The following ROBO1 variants were observed in gnomAD, a reference collection of about 807,000 sequenced individuals.
ROBO1 encodes the protein roundabout guidance receptor 1.
In ROBO1, 149 loss-of-function variants were observed where a neutral mutation model predicts 195.9. That is an observed-to-expected ratio of 0.76 (90% CI 0.67 to 0.87). The LOEUF is 0.87. Among genes scored for constraint, ROBO1 ranks in the 40% least tolerant of loss-of-function variants. The pLI is 0.00. For synonymous variants in ROBO1, 816 were observed against 733.2 expected, an observed-to-expected ratio of 1.11 and a Z score of -1.82; for missense variants, 1,933 against 2,068.3, an observed-to-expected ratio of 0.93 and a Z score of 1.27.
At chr3:79,619,512 A>G (rs555162083) in intron 1 of ROBO1, among the ~76,000 whole-genome samples, 3 of 152,184 alleles carry the variant, frequency 2.0e-5, no homozygotes, top group East Asian at 3.9e-4. Flanking sequence ...ATCCTACAAG[A>G]TCTAGATAAC....
At chr3:79,018,468 C>T in intron 3 of ROBO1, 1 of 1,613,790 alleles carries the variant, frequency 6.2e-7, no homozygotes, top group African/African-American at 1.3e-5. Flanking sequence ...TCATTGTCCT[C>T]GGGTGGATCC....
intron 4 of ROBO1, among the ~76,000 whole-genome samples, chr3:78,782,913 T>C (rs1559850935): frequency 6.6e-6 from 1 of 152,180 alleles, no homozygotes; most frequent in Admixed American, 6.6e-5. Flanking sequence ...TGGTTTAACG[T>C]ATGCCTGTTG....
chr3:79,460,985 T>A (rs1012300021), intron 2 of ROBO1, among the ~76,000 whole-genome samples: 1 of 152,090 alleles, frequency 6.6e-6, no homozygotes, highest in African/African-American at 2.4e-5. Context: ...TTAAAAAAAA[T>A]TAATTGCACA....
At chr3:79,664,421 A>G (rs997685786) in intron 1 of ROBO1, among the ~76,000 whole-genome samples, 3 of 152,030 alleles carry the variant, frequency 2.0e-5, no homozygotes, top group East Asian at 1.9e-4. Context: ...TTTTACCTCT[A>G]TGTAACATAC....
chr3:79,646,197 A>G (rs1945816834), intron 1 of ROBO1, among the ~76,000 whole-genome samples: 2 of 152,142 alleles, frequency 1.3e-5, no homozygotes, highest in South Asian at 4.1e-4. Flanking sequence ...AAAGGGCTTA[A>G]CCAACTCAGT....
At chr3:79,018,517 G>C (rs2078014111) in intron 3 of ROBO1, 1 of 1,608,626 alleles carries the variant, frequency 6.2e-7, no homozygotes, top group Admixed American at 1.7e-5. Flanking sequence ...AGTGGAAATA[G>C]GGTCCCCAAA....
At chr3:79,151,736 C>A (rs2080775275) in intron 2 of ROBO1, among the ~76,000 whole-genome samples, 1 of 151,792 alleles carries the variant, frequency 6.6e-6, no homozygotes, top group Non-Finnish European at 1.5e-5. Flanking sequence ...TTGATCACTA[C>A]ACTGAAGTGC....
intron 26 of ROBO1, among the ~76,000 whole-genome samples, chr3:78,621,897 A>T (rs1009695402): frequency 6.6e-6 from 1 of 152,226 alleles, no homozygotes; most frequent in Non-Finnish European, 1.5e-5. Flanking sequence ...AGAAAAATGC[A>T]CACCTTTGAG....
At chr3:79,414,635 C>A (rs921886273) in intron 2 of ROBO1, among the ~76,000 whole-genome samples, 1 of 152,046 alleles carries the variant, frequency 6.6e-6, no homozygotes, top group Non-Finnish European at 1.5e-5. Flanking sequence ...ATAAAAGCAA[C>A]ACTTTAGTCT....
At chr3:78,790,118 C>A (rs1045647524) in intron 4 of ROBO1, among the ~76,000 whole-genome samples, 4 of 152,114 alleles carry the variant, frequency 2.6e-5, no homozygotes, top group African/African-American at 9.7e-5. Context: ...TCTCTCAGGT[C>A]TCTCTCAGAT....
chr3:79,388,442 TCAG>T (rs1468281915), intron 2 of ROBO1, among the ~76,000 whole-genome samples: 4 of 152,062 alleles, frequency 2.6e-5, no homozygotes, highest in Non-Finnish European at 5.9e-5. Flanking sequence ...GAGAGGGGAA[TCAG>T]TCTGTTGGAA....
chr3:78,633,400 T>TA (rs1375346757), intron 24 of ROBO1, among the ~76,000 whole-genome samples: 1 of 152,124 alleles, frequency 6.6e-6, no homozygotes, highest in East Asian at 1.9e-4. Context: ...GGGAGGCACT[T>TA]ACAGACTGAG....
intron 10 of ROBO1, among the ~76,000 whole-genome samples, chr3:78,682,679 G>A (rs1012508842): frequency 1.5e-4 from 22 of 143,480 alleles, no homozygotes; most frequent in Non-Finnish European, 2.6e-4. Context: ...ATATATACAC[G>A]TATATATACA....
chr3:79,300,208 G>T (rs966856613), intron 2 of ROBO1, among the ~76,000 whole-genome samples: 1 of 152,210 alleles, frequency 6.6e-6, no homozygotes, highest in Non-Finnish European at 1.5e-5. Flanking sequence ...AGCTAGCAGG[G>T]AGGTGTGGGG....
intron 8 of ROBO1, among the ~76,000 whole-genome samples, chr3:78,697,702 G>T (rs373351537): frequency 1.3e-5 from 2 of 152,154 alleles, no homozygotes; most frequent in East Asian, 1.9e-4. Flanking sequence ...AAGGGACAGA[G>T]AAATTGAATC....
intron 4 of ROBO1, among the ~76,000 whole-genome samples, chr3:78,882,347 A>C (rs2107267377): frequency 6.6e-6 from 1 of 152,300 alleles, no homozygotes; most frequent in South Asian, 2.1e-4. Context: ...CTAAAACGAT[A>C]GAAGTTGGAT....
intron 3 of ROBO1, among the ~76,000 whole-genome samples, chr3:78,989,655 T>C (rs1353191968): frequency 3.9e-5 from 6 of 152,236 alleles, no homozygotes; most frequent in Admixed American, 2.0e-4. Flanking sequence ...TAACTATTTT[T>C]AACAGAGGAA....
chr3:79,241,668 A>C (rs557190245), intron 2 of ROBO1, among the ~76,000 whole-genome samples: 1 of 150,902 alleles, frequency 6.6e-6, no homozygotes, highest in Non-Finnish European at 1.5e-5. Context: ...ATTTGTGTAA[A>C]TATAGATAAC....
At chr3:79,434,777 G>A (rs1217340956) in intron 2 of ROBO1, among the ~76,000 whole-genome samples, 2 of 152,022 alleles carry the variant, frequency 1.3e-5, no homozygotes, top group African/African-American at 4.8e-5. Flanking sequence ...TGTTTATTGT[G>A]GCACTATTCA....
Sources: allele counts gnomAD v4.1 joint callset (sites outside exome capture counted in the v4.1 genomes callset), GRCh38; gene constraint gnomAD v4.1.1; transcripts MANE v1.5; gene names NCBI Gene and HGNC (gene_info 2026-07-23, HGNC 2026-07-21).